The following ELFN1 variants were observed in gnomAD, a reference collection of about 807,000 sequenced individuals.
The protein encoded by ELFN1 is extracellular leucine rich repeat and fibronectin type III domain containing 1, also known as protein ELFN1.
ELFN1 carries 6 observed loss-of-function variants against 7.6 expected under a neutral mutation model. The ratio of observed to expected loss-of-function variants is 0.79; its 90% confidence interval spans 0.43 to 1.56. ELFN1 has a LOEUF of 1.56. Ranked by LOEUF, ELFN1 falls within the 40% of genes most tolerant of loss-of-function variation. The pLI is 0.01. For missense variants in ELFN1, 1,169 were observed against 1,232.2 expected (o/e 0.95, Z 0.77); for synonymous variants, 657 against 588.1 (o/e 1.12, Z -1.70).
At chr7:1,733,179 G>T (rs1780359692) in intron 3 of ELFN1, among the ~76,000 whole-genome samples, 1 of 152,184 alleles carries the variant, frequency 6.6e-6, no homozygotes, top group Admixed American at 6.5e-5. Flanking sequence ...GAGATTATAG[G>T]TGTGAGCCAC....
intron 1 of ELFN1, among the ~76,000 whole-genome samples, chr7:1,672,343 C>A (rs1778783454): frequency 6.6e-6 from 1 of 152,176 alleles, no homozygotes; most frequent in African/African-American, 2.4e-5. Context: ...ACACCTGGGC[C>A]AGGGAGAGGC....
intron 2 of ELFN1, among the ~76,000 whole-genome samples, chr7:1,707,139 G>A (rs894025729): frequency 2.6e-5 from 4 of 152,246 alleles, no homozygotes; most frequent in Middle Eastern, 3.2e-3. Flanking sequence ...CCCAGCACAC[G>A]CATGTGAGAA....
Position 1,744,612 on chromosome 7 carries a change from T to A in ELFN1, c.16T>A (p.Trp6Arg). The change falls in exon 4 of 4, where the codon TGG becomes AGG. Residue 6 changes from tryptophan to arginine, a missense_variant. Trp to Arg is a moderately radical substitution (Grantham distance 101). Transcript: ENST00000424383. ...GGCGGTCCCGATGGCCGGGCGTGGG[T>A]GGGGCGCGCTGTGGGTGTGCGTGGC... Reference protein sequence around the residue: MAGRGWGALWVCVAAA... With the variant: MAGRGRGALWVCVAAA... 6.5e-7 allele frequency: 1 copy of A among 1,534,870 alleles called. No individual in the cohort carries two copies. Among genetic ancestry groups the A allele is most frequent in the Non-Finnish European group, 8.8e-7 (1 of 1,140,144 alleles).
chr7:1,706,012 G>A (rs116418485), intron 2 of ELFN1, among the ~76,000 whole-genome samples: 103 of 152,268 alleles, frequency 6.8e-4, no homozygotes, highest in African/African-American at 2.4e-3. Context: ...AGCATTCCAG[G>A]GGCTTGTCCA....
In ELFN1 at chr7:1,745,715, G is replaced by A. The variant is rs374917904; in HGVS notation, c.1119G>A (p.Thr373=). Reference sequence around the variant, plus strand: ...AGATCCGTCTGACCAACCTGTTCACGCTCACCAACTACACCTACTGCGTGG... The same window carrying A: ...AGATCCGTCTGACCAACCTGTTCACACTCACCAACTACACCTACTGCGTGG... ...QEEIRLTNLF[T]LTNYTYCVVS... is the part of the protein sequence containing the mutation. The change falls in exon 4 of 4, where the codon ACG becomes ACA. Residue 373 remains threonine, a synonymous_variant. Coordinates refer to ENST00000424383, the MANE Select transcript of ELFN1 (RefSeq NM_001128636.4). 3.9e-6 allele frequency: 6 copies of A among 1,551,386 alleles called. No homozygotes were observed. Among genetic ancestry groups the A allele is most frequent in the Non-Finnish European group, 4.4e-6 (5 of 1,147,030 alleles).
intron 2 of ELFN1, among the ~76,000 whole-genome samples, chr7:1,699,524 G>A (rs547393729): frequency 1.3e-5 from 2 of 152,134 alleles, no homozygotes; most frequent in South Asian, 2.1e-4. Flanking sequence ...ACCTGTGGGC[G>A]CAGCTACTCA....
chr7:1,725,677 C>T (rs1184279426), intron 3 of ELFN1, among the ~76,000 whole-genome samples: 11 of 152,270 alleles, frequency 7.2e-5, no homozygotes, highest in Middle Eastern at 3.4e-3. Flanking sequence ...AGTAATTAGA[C>T]GCTCCTGTGT....
At chr7:1,680,590 G>A (rs1778956451) in intron 1 of ELFN1, among the ~76,000 whole-genome samples, 1 of 152,062 alleles carries the variant, frequency 6.6e-6, no homozygotes, top group African/African-American at 2.4e-5. Context: ...CCATTGCAAG[G>A]GCACCAGGCA....
chr7:1,676,790 G>A (rs888736353), intron 1 of ELFN1, among the ~76,000 whole-genome samples: 1 of 152,242 alleles, frequency 6.6e-6, no homozygotes, highest in Non-Finnish European at 1.5e-5. Flanking sequence ...AGAGGTGAGC[G>A]GGAGAGGCCC....
At chr7:1,725,079 G>C (rs1780149011) in intron 3 of ELFN1, among the ~76,000 whole-genome samples, 1 of 152,252 alleles carries the variant, frequency 6.6e-6, no homozygotes, top group African/African-American at 2.4e-5. Context: ...TTCTGTCCCT[G>C]AGCAAGGTTG....
At chr7:1,701,934 G>A (rs1312169919) in intron 2 of ELFN1, among the ~76,000 whole-genome samples, 6 of 152,070 alleles carry the variant, frequency 3.9e-5, no homozygotes, top group African/African-American at 1.4e-4. Context: ...TACGTGATGG[G>A]AAGCAGGTAT....
Position 1,672,997 on chromosome 7 carries a change from G to A in ELFN1, c.-549+2643G>A, listed in dbSNP as rs554539266. 7.2e-5 allele frequency among the ~76,000 whole-genome samples: 11 copies of A among 152,248 alleles called. 1 individual carries two copies. In the South Asian group the frequency reaches 2.3e-3, roughly 32 times the overall value. On this transcript the variant is annotated intron_variant, in intron 1 of 3. Transcript: ENST00000424383. Reference sequence around the variant, plus strand: ...AGAGATAGATAGATCTCCAGGGCTGGGTGATGAGGCCATAAATTTCCAGGC... The same window carrying A: ...AGAGATAGATAGATCTCCAGGGCTGAGTGATGAGGCCATAAATTTCCAGGC...
chr7:1,714,873 A>G (rs10227916), intron 3 of ELFN1, among the ~76,000 whole-genome samples: 79,626 of 152,182 alleles, frequency 0.52, 22,849 homozygotes, highest in African/African-American at 0.78. Flanking sequence ...ACGCAAAGAC[A>G]GCAGCAGTGG....
chr7:1,693,796 G>A lies in ELFN1; in HGVS notation c.-456+5646G>A, dbSNP rs746401450. ...TCAGTGCTGACAGACACGGGGTGCG[G>A]GACACGTGGGATGGGCCTCCCCAGG... On this transcript the variant is annotated intron_variant, in intron 2 of 3. Transcript: ENST00000424383. 58 of 470,238 alleles carry A rather than the reference G, an allele frequency of 1.2e-4. No individual in the cohort carries two copies. In the Middle Eastern group the frequency reaches 5.9e-3, roughly 48 times the overall value. 29.1% of individuals were successfully genotyped at this position (470,238 alleles called of 1,614,324 possible). A position where few individuals can be genotyped will look rare whatever the true frequency, so the allele number is the denominator to read the frequency against.
At chr7:1,711,068 T>A (rs545948724) in intron 3 of ELFN1, among the ~76,000 whole-genome samples, 2 of 152,328 alleles carry the variant, frequency 1.3e-5, no homozygotes, top group Admixed American at 1.3e-4. Context: ...AGCCCCTACC[T>A]GGCCCTATCT....
At chr7:1,711,260 G>A (rs1353459972) in intron 3 of ELFN1, among the ~76,000 whole-genome samples, 1 of 152,224 alleles carries the variant, frequency 6.6e-6, no homozygotes, top group Non-Finnish European at 1.5e-5. Context: ...TGTGCAGACT[G>A]TGTTCCATGT....
intron 3 of ELFN1, among the ~76,000 whole-genome samples, chr7:1,743,093 G>C (rs1251801547): frequency 6.6e-6 from 1 of 152,120 alleles, no homozygotes; most frequent in African/African-American, 2.4e-5. Context: ...AGTGGTGGGG[G>C]GGTCCATGGG....
Position 1,744,269 on chromosome 7 carries a change from GTCCCCTGACCGCTGTCTTCTC to G in ELFN1, c.-293-32_-293-12del. 1 of 249,412 alleles carries G rather than the reference GTCCCCTGACCGCTGTCTTCTC, an allele frequency of 4.0e-6. No homozygotes were observed. 15.4% of individuals were successfully genotyped at this position (249,412 alleles called of 1,614,324 possible). ...TCCCCTGACCGCTGTCTTCTCTCTT[GTCCCCTGACCGCTGTCTTCTC>G]TCTTGTCTTGCAGCAGGAACGTCGG... On this transcript the variant is annotated splice_polypyrimidine_tract_variant and intron_variant, in intron 3 of 3. Coordinates refer to ENST00000424383, the MANE Select transcript of ELFN1 (RefSeq NM_001128636.4).
upstream of ELFN1, among the ~76,000 whole-genome samples, chr7:1,669,881 A>ACCCC (rs1279237345): frequency 7.7e-4 from 59 of 76,508 alleles, 1 homozygote; most frequent in Admixed American, 6.4e-3. Flanking sequence ...CCACCCACCC[A>ACCCC]CCCCCTCCAC....
Sources: allele counts gnomAD v4.1 joint callset (sites outside exome capture counted in the v4.1 genomes callset), GRCh38; gene constraint gnomAD v4.1.1; transcripts MANE v1.5; gene names NCBI Gene and HGNC (gene_info 2026-07-23, HGNC 2026-07-21).